Variants in FHDC1 observed in about 807,000 individuals in gnomAD.
The protein encoded by FHDC1 is FH2 domain containing 1.
Under a neutral mutation model 52.6 loss-of-function variants are expected in FHDC1, and 25 were observed. The observed-to-expected ratio is 0.48, with a 90% CI of 0.35 to 0.66. FHDC1 has a LOEUF of 0.66. FHDC1 is among the 30% of genes least tolerant of loss of function. The pLI is 0.01. For synonymous variants in FHDC1, 616 were observed against 581.5 expected, an observed-to-expected ratio of 1.06 and a Z score of -0.85; for missense variants, 1,459 against 1,452.8, an observed-to-expected ratio of 1.00 and a Z score of -0.07.
chr4:152,972,938 T>C (rs904335241), intron 11 of FHDC1, among the ~76,000 whole-genome samples: 3 of 152,298 alleles, frequency 2.0e-5, no homozygotes, highest in South Asian at 2.1e-4. Context: ...GAGACTTCTG[T>C]TGTGGTGGGA....
At chr4:152,927,383 G>T in the FHDC1 span, 1 of 760,120 alleles carries the variant, frequency 1.3e-6, no homozygotes, top group Non-Finnish European at 2.4e-6. Context: ...TCTGAGACAG[G>T]TCTCAGTCAA....
the FHDC1 span, among the ~76,000 whole-genome samples, chr4:152,912,634 AAAATG>A: frequency 3.3e-5 from 5 of 152,214 alleles, no homozygotes; most frequent in Non-Finnish European, 5.9e-5. Flanking sequence ...CTGTATATAT[AAAATG>A]AAATAATGAA....
chr4:152,937,643 G>T (rs957636759), intron 1 of FHDC1, among the ~76,000 whole-genome samples: 5 of 151,630 alleles, frequency 3.3e-5, no homozygotes, highest in African/African-American at 1.2e-4. Flanking sequence ...CGCAGTCCCC[G>T]CCCCGCAGGC....
Position 152,962,897 on chromosome 4 carries a change from C to T in FHDC1, c.921+13C>T. On this transcript the variant is annotated intron_variant, in intron 7 of 11. Transcript: ENST00000511601. ...TATCATGAATGCAGTAAGTAAAATC[C>T]AAAACAATTGTAATGTTATGTTTTC... The T allele has an allele frequency of 6.2e-7, 1 of 1,610,130 alleles. No homozygotes were observed. The highest frequency in any genetic ancestry group is 8.5e-7 in the Non-Finnish European group (1 of 1,178,456).
intron 1 of FHDC1, among the ~76,000 whole-genome samples, chr4:152,939,039 T>C (rs918819995): frequency 6.6e-6 from 1 of 152,218 alleles, no homozygotes; most frequent in East Asian, 1.9e-4. Flanking sequence ...ATACTCTTTT[T>C]TCTTGGCTCC....
chr4:152,953,758 T>C (rs2149946112), intron 3 of FHDC1, among the ~76,000 whole-genome samples, 198 bp downstream of exon 3: 1 of 152,360 alleles, frequency 6.6e-6, no homozygotes, highest in African/African-American at 2.4e-5. Context: ...TTGAAGTATA[T>C]GGAGAATTGC....
At chr4:152,953,059 G>A (rs1048378135) in intron 2 of FHDC1, among the ~76,000 whole-genome samples, 5 of 151,946 alleles carry the variant, frequency 3.3e-5, no homozygotes, top group African/African-American at 4.8e-5. Flanking sequence ...ACTTGAACCC[G>A]GTAGGCAGAG....
chr4:152,975,243 A>C lies in FHDC1; in HGVS notation c.1952A>C (p.Glu651Ala). 6.2e-7 allele frequency: 1 copy of C among 1,613,374 alleles called. No individual in the cohort carries two copies. The highest frequency in any genetic ancestry group is 1.7e-5 in the Admixed American group (1 of 60,014). ...GVSVLRKRYS[E>A]PVSLGSAQSP... The stretch of plus-strand genomic sequence containing the variant: ...AGTGTCCTCCGAAAGAGGTACAGTG[A>C]GCCGGTGAGCCTGGGCTCAGCACAG... The change falls in exon 12 of 12, where the codon GAG becomes GCG. Residue 651 changes from glutamate to alanine, a missense_variant. By Grantham distance (107) the Glu-to-Ala change is moderately radical (BLOSUM62 -1). Around this residue, in one of 3 missense-constraint regions of FHDC1, gnomAD observed 939 missense variants for 854.5 expected, o/e 1.10. Coordinates refer to ENST00000511601, the MANE Select transcript of FHDC1 (RefSeq NM_001371116.1).
rs1168239006 is a variant in FHDC1 at position 152,953,570 on chromosome 4, T to C, written c.560+10T>C. 2 of 1,608,550 alleles carry C rather than the reference T, an allele frequency of 1.2e-6. No homozygotes were observed. The highest frequency in any genetic ancestry group is 1.7e-6 in the Non-Finnish European group (2 of 1,178,310). On this transcript the variant is annotated intron_variant, in intron 3 of 11. Coordinates refer to ENST00000511601, the MANE Select transcript of FHDC1 (RefSeq NM_001371116.1). The stretch of plus-strand genomic sequence containing the variant: ...TTAAGCAATTTAAGAAGTAAGATTT[T>C]GCACACATTTGAAACTTTAGTCATA...
chr4:152,922,276 C>G, the FHDC1 span, among the ~76,000 whole-genome samples: 15 of 151,544 alleles, frequency 9.9e-5, no homozygotes, highest in African/African-American at 3.1e-4. Context: ...ATAAATTCCT[C>G]GACACATACA....
At chr4:152,935,578 T>A (rs531579327), upstream of FHDC1, among the ~76,000 whole-genome samples, 7 of 152,312 alleles carry the variant, frequency 4.6e-5, no homozygotes, top group African/African-American at 1.7e-4. Context: ...CTTTTTACGC[T>A]TTAATACAAC....
intron 2 of FHDC1, among the ~76,000 whole-genome samples, chr4:152,952,986 G>T (rs1035663737): frequency 1.3e-5 from 2 of 152,064 alleles, no homozygotes; most frequent in African/African-American, 4.8e-5. Context: ...ACAAAATTTA[G>T]CCGGGCATAG....
chr4:152,959,389 C>A (rs1048870770), intron 4 of FHDC1, among the ~76,000 whole-genome samples: 4 of 152,184 alleles, frequency 2.6e-5, no homozygotes, highest in African/African-American at 9.7e-5. Flanking sequence ...TGGCTATATA[C>A]CTGTTGTCAG....
chr4:152,973,566 C>T (rs992899388), intron 11 of FHDC1, among the ~76,000 whole-genome samples: 1 of 152,352 alleles, frequency 6.6e-6, no homozygotes, highest in South Asian at 2.1e-4. Flanking sequence ...CTCAGCCCCA[C>T]TGTCCAAAGA....
chr4:152,974,411 T>C (rs1740771558), intron 11 of FHDC1, among the ~76,000 whole-genome samples: 1 of 152,024 alleles, frequency 6.6e-6, no homozygotes, highest in Non-Finnish European at 1.5e-5. Flanking sequence ...GTAGACAGAT[T>C]GTTGGGCCAG....
At chr4:152,966,918 G>A (rs1740478867) in intron 9 of FHDC1, among the ~76,000 whole-genome samples, 1 of 152,038 alleles carries the variant, frequency 6.6e-6, no homozygotes, top group South Asian at 2.1e-4. Context: ...CCAGTAGTTT[G>A]AGACCAGTCT....
At chr4:152,967,697 C>T (rs112785891) in intron 9 of FHDC1, among the ~76,000 whole-genome samples, 2 of 152,208 alleles carry the variant, frequency 1.3e-5, no homozygotes, top group African/African-American at 4.8e-5. Context: ...GTGTTCAGAG[C>T]TAGTTTATGA....
chr4:152,911,719 TG>T, the FHDC1 span: 4 of 152,640 alleles, frequency 2.6e-5, no homozygotes, highest in Non-Finnish European at 5.9e-5. Flanking sequence ...ATGCCTGTTT[TG>T]AGTGCTTAAT....
At chr4:152,956,047 T>C (rs1424451330) in intron 4 of FHDC1, among the ~76,000 whole-genome samples, 1 of 152,214 alleles carries the variant, frequency 6.6e-6, no homozygotes, top group Admixed American at 6.5e-5. Context: ...AGTCTTGAAG[T>C]CTTAAAGGAA....
Sources: allele counts gnomAD v4.1 joint callset (sites outside exome capture counted in the v4.1 genomes callset), GRCh38; gene constraint gnomAD v4.1.1; regional missense constraint gnomAD v4.1.1; transcripts MANE v1.5; gene names NCBI Gene and HGNC (gene_info 2026-07-23, HGNC 2026-07-21).